The following TASP1 variants were observed in gnomAD, a reference collection of about 807,000 sequenced individuals.
TASP1 encodes the protein threonine aspartase 1.
A neutral mutation model predicts 56.6 loss-of-function variants in TASP1; 16 were observed. That is an observed-to-expected ratio of 0.28 (90% CI 0.19 to 0.43). TASP1 has a LOEUF of 0.43. Among genes scored for constraint, TASP1 ranks in the 20% least tolerant of loss-of-function variants. TASP1 has a pLI of 1.00. For synonymous variants in TASP1, 179 were observed against 184.2 expected, an observed-to-expected ratio of 0.97 and a Z score of 0.23; for missense variants, 393 against 511.6, an observed-to-expected ratio of 0.77 and a Z score of 2.24.
the TASP1 span, among the ~76,000 whole-genome samples, chr20:13,221,466 C>T: frequency 1.2e-3 from 174 of 145,804 alleles, no homozygotes; most frequent in Admixed American, 2.1e-3. Context: ...CAGTCTCCGT[C>T]TCCGCCGCCG....
At chr20:13,527,015 A>T (rs748827466) in intron 10 of TASP1, among the ~76,000 whole-genome samples, 4 of 152,172 alleles carry the variant, frequency 2.6e-5, no homozygotes, top group Non-Finnish European at 4.4e-5. Flanking sequence ...CATGGAAGCC[A>T]ATCCCAAGAG....
intron 4 of TASP1, among the ~76,000 whole-genome samples, chr20:13,614,477 T>C (rs1487170786): frequency 6.6e-6 from 1 of 152,162 alleles, no homozygotes; most frequent in Non-Finnish European, 1.5e-5. Flanking sequence ...TAATCTGACA[T>C]AAAATATTCT....
At chr20:13,476,862 T>C (rs1342399756) in intron 11 of TASP1, among the ~76,000 whole-genome samples, 1 of 152,054 alleles carries the variant, frequency 6.6e-6, no homozygotes, top group Non-Finnish European at 1.5e-5. Context: ...ACATCTTTGA[T>C]TTTTCTAATA....
intron 12 of TASP1, among the ~76,000 whole-genome samples, chr20:13,429,827 C>T (rs1422215838): frequency 1.3e-5 from 2 of 152,174 alleles, no homozygotes; most frequent in East Asian, 3.9e-4. Context: ...CAGTGTCCTT[C>T]TGATCTTGGG....
chr20:13,129,243 T>G, the TASP1 span, among the ~76,000 whole-genome samples: 1 of 152,044 alleles, frequency 6.6e-6, no homozygotes, highest in South Asian at 2.1e-4. Context: ...CTCAAGTGAT[T>G]TGCCCACCCC....
chr20:13,181,272 G>A, the TASP1 span, among the ~76,000 whole-genome samples: 4 of 152,172 alleles, frequency 2.6e-5, no homozygotes, highest in Non-Finnish European at 4.4e-5. Context: ...GCAAGATAGT[G>A]CTCCAGCTGC....
intron 8 of TASP1, among the ~76,000 whole-genome samples, chr20:13,552,863 G>A (rs2046025749): frequency 6.6e-6 from 1 of 152,048 alleles, no homozygotes; most frequent in African/African-American, 2.4e-5. Flanking sequence ...ACTTTTTTCT[G>A]TTTCCATACA....
chr20:13,465,999 CA>C (rs2044244019), intron 11 of TASP1, among the ~76,000 whole-genome samples: 2 of 152,050 alleles, frequency 1.3e-5, no homozygotes, highest in Non-Finnish European at 2.9e-5. Flanking sequence ...TGCACACACA[CA>C]AACTACAAGT....
At chr20:13,516,734 CA>C (rs1213433495) in intron 10 of TASP1, among the ~76,000 whole-genome samples, 1 of 144,046 alleles carries the variant, frequency 6.9e-6, no homozygotes, top group East Asian at 2.1e-4. Flanking sequence ...CACAAAACAA[CA>C]ACAAAGCAAT....
intron 10 of TASP1, among the ~76,000 whole-genome samples, chr20:13,494,593 A>C (rs532773751): frequency 6.6e-6 from 1 of 152,268 alleles, no homozygotes; most frequent in East Asian, 1.9e-4. Flanking sequence ...TCATCTGACA[A>C]ACAAGAAAAG....
At chr20:13,415,444 CTTTT>C (rs368921864) in intron 13 of TASP1, among the ~76,000 whole-genome samples, 4 of 133,050 alleles carry the variant, frequency 3.0e-5, no homozygotes, top group African/African-American at 1.1e-4. Flanking sequence ...TTGGGGTTTT[CTTTT>C]TTTTTTTTTT....
chr20:13,370,965 A>G, the TASP1 span, among the ~76,000 whole-genome samples: 2 of 152,156 alleles, frequency 1.3e-5, no homozygotes, highest in Non-Finnish European at 2.9e-5. Context: ...ACAGTTATCC[A>G]TGCCATTTCC....
At chr20:13,167,247 G>T in the TASP1 span, 1 of 145,718 alleles carries the variant, frequency 6.9e-6, no homozygotes, top group Non-Finnish European at 1.5e-5. Context: ...ATAAGTTCAT[G>T]ATTTTAATTC....
chr20:13,586,614 C>T (rs1209371638), intron 5 of TASP1, among the ~76,000 whole-genome samples: 1 of 151,670 alleles, frequency 6.6e-6, no homozygotes, highest in Non-Finnish European at 1.5e-5. Flanking sequence ...TAGGTGGTGG[C>T]TTATATGGTG....
At chr20:13,468,481 G>T (rs6042138) in intron 11 of TASP1, among the ~76,000 whole-genome samples, 2 of 151,982 alleles carry the variant, frequency 1.3e-5, no homozygotes, top group Non-Finnish European at 2.9e-5. Flanking sequence ...ATATCTGGTA[G>T]GTTTTAAAAA....
the TASP1 span, among the ~76,000 whole-genome samples, chr20:13,362,818 T>C: frequency 4.3e-5 from 3 of 69,428 alleles, no homozygotes; most frequent in East Asian, 2.8e-4. Flanking sequence ...AATATATATA[T>C]ATATATATAT....
intron 12 of TASP1, among the ~76,000 whole-genome samples, chr20:13,419,114 G>C (rs1461573413): frequency 6.6e-6 from 1 of 152,184 alleles, no homozygotes; most frequent in East Asian, 1.9e-4. Flanking sequence ...AATACTAAAA[G>C]CCATGACTTT....
the TASP1 span, among the ~76,000 whole-genome samples, chr20:13,257,883 G>T: frequency 6.6e-6 from 1 of 152,100 alleles, no homozygotes; most frequent in Non-Finnish European, 1.5e-5. Context: ...CAAAGTGGCT[G>T]CAGACTCTCT....
intron 8 of TASP1, among the ~76,000 whole-genome samples, chr20:13,541,450 C>T (rs2045618339): frequency 6.6e-6 from 1 of 152,146 alleles, no homozygotes; most frequent in East Asian, 1.9e-4. Context: ...CCGTAAGGGG[C>T]ATTCTACTTA....
Sources: gnomAD v4.1 joint callset for allele counts (sites outside exome capture counted in the v4.1 genomes callset) on GRCh38, gnomAD v4.1.1 for gene constraint, MANE v1.5 for transcripts, NCBI Gene and HGNC (gene_info 2026-07-23, HGNC 2026-07-21) for gene names.